METTL6: variants seen among roughly 807,000 people sequenced by gnomAD.
METTL6 encodes methyltransferase 6, tRNA N3-cytidine.
METTL6 carries 22 observed loss-of-function variants against 26.4 expected under a neutral mutation model. The ratio of observed to expected loss-of-function variants is 0.83; its 90% CI spans 0.59 to 1.19. The LOEUF is 1.19. Ranked by LOEUF, METTL6 falls within the 50% of genes most tolerant of loss-of-function variation. METTL6 has a pLI of 0.00. For synonymous variants in METTL6, 109 were observed against 116.2 expected (o/e 0.94, Z 0.40); for missense variants, 304 against 324.8 (o/e 0.94, Z 0.49).
In METTL6 at chr3:15,415,607, G is replaced by T. The variant is rs770487524; in HGVS notation, c.531+165C>A. The T allele has an allele frequency of 5.0e-6, 8 of 1,608,618 alleles. No individual in the cohort carries two copies. In the South Asian group the frequency reaches 7.7e-5, roughly 16 times the overall value. On this transcript the variant is annotated intron_variant, in intron 4 of 5. Coordinates refer to ENST00000383790, the MANE Select transcript of METTL6 (RefSeq NM_152396.4). ...CACTGCACAAATCAGAATTTAGGGTGGATGTTTTATGCCAGAGGACCCCTT... is the reference window on the plus strand; with the variant it reads ...CACTGCACAAATCAGAATTTAGGGTTGATGTTTTATGCCAGAGGACCCCTT...
chr3:15,412,278 T>A (rs1262750671), intron 5 of METTL6, among the ~76,000 whole-genome samples: 1 of 151,956 alleles, frequency 6.6e-6, no homozygotes. Flanking sequence ...AAATAATACA[T>A]CACTACACAT....
chr3:15,422,211 A>G (rs971956398), intron 3 of METTL6, among the ~76,000 whole-genome samples: 2 of 152,192 alleles, frequency 1.3e-5, no homozygotes, highest in African/African-American at 4.8e-5. Context: ...CTGTAACCCC[A>G]GCTACTCAAG....
intron 6 of METTL6, among the ~76,000 whole-genome samples, chr3:15,394,666 T>G (rs1699439889): frequency 1.3e-5 from 2 of 152,270 alleles, no homozygotes. Context: ...CACACTGCTT[T>G]GAATGTGTCC....
intron 6 of METTL6, among the ~76,000 whole-genome samples, chr3:15,401,994 G>A (rs1381475732): frequency 1.3e-5 from 2 of 151,994 alleles, no homozygotes; most frequent in African/African-American, 2.4e-5. Context: ...CTATGAACTC[G>A]CCCCGAATTC....
At chr3:15,396,775 T>C (rs1699501050) in intron 6 of METTL6, among the ~76,000 whole-genome samples, 1 of 152,202 alleles carries the variant, frequency 6.6e-6, no homozygotes, top group Admixed American at 6.5e-5. Context: ...TGCCTGGGTA[T>C]CAGCAGCAGA....
At chr3:15,419,956 G>A (rs1231130168) in intron 3 of METTL6, among the ~76,000 whole-genome samples, 2 of 151,030 alleles carry the variant, frequency 1.3e-5, no homozygotes, top group East Asian at 1.9e-4. Context: ...CCGCCTCCCA[G>A]GTTCATGCCG....
In METTL6 at chr3:15,427,498, G is replaced by A. The variant is rs144383348; in HGVS notation, c.-221C>T. 2.0e-6 allele frequency: 1 copy of A among 493,806 alleles called. No individual in the cohort carries two copies. The highest frequency in any genetic ancestry group is 2.1e-5 in the South Asian group (1 of 47,456). 30.6% of individuals were successfully genotyped at this position (493,806 alleles called of 1,614,324 possible). On this transcript the variant is annotated 5_prime_UTR_variant, in exon 1 of 6. Transcript: ENST00000383790. ...TGAGGACCACGAATTCGGATTATCC[G>A]GGAGTTCTTTTGCCATGGCACCGCC... is the stretch of plus-strand genomic sequence containing the variant.
intron 6 of METTL6, chr3:15,399,544 T>TTGTGTGTGTGTGTGTG (rs34014434): frequency 1.7e-3 from 198 of 118,558 alleles, no homozygotes; most frequent in African/African-American, 5.7e-3. Flanking sequence ...CCAGGAGAAA[T>TTGTGTGTGTGTGTGTG]TGTGTGTGTG....
intron 3 of METTL6, among the ~76,000 whole-genome samples, chr3:15,421,119 A>G (rs989138224): frequency 1.4e-4 from 22 of 152,192 alleles, no homozygotes; most frequent in Non-Finnish European, 8.8e-5. Flanking sequence ...CATATCTAGA[A>G]GATGGTTTTA....
intron 5 of METTL6, 107 bp downstream of exon 5, chr3:15,413,914 C>T (rs1489115651): frequency 2.1e-5 from 33 of 1,572,196 alleles, no homozygotes; most frequent in Non-Finnish European, 2.7e-5. Context: ...TTCAGGGTCT[C>T]GTGCACATGT....
intron 6 of METTL6, among the ~76,000 whole-genome samples, chr3:15,387,798 G>A (rs1031534207): frequency 1.1e-4 from 17 of 150,238 alleles, no homozygotes; most frequent in African/African-American, 1.2e-4. Context: ...CTTGTAAATC[G>A]TTCTCTTTGA....
At chr3:15,406,618 ATATAT>A (rs1699802182), downstream of METTL6, among the ~76,000 whole-genome samples, 1 of 100,916 alleles carries the variant, frequency 9.9e-6, no homozygotes, top group African/African-American at 4.5e-5. Context: ...ATATATATAT[ATATAT>A]ATATATAGAG....
chr3:15,383,170 A>C (rs1699115300), exon 7 of METTL6: 1 of 152,192 alleles, frequency 6.6e-6, no homozygotes, highest in Non-Finnish European at 1.5e-5. Flanking sequence ...GTCCTTAGCA[A>C]TCAACAGATG....
At position 15,427,512 on chromosome 3, in the gene METTL6, C is replaced by T. The variant is rs913143347; in HGVS notation, c.-235G>A. The T allele has an allele frequency of 5.8e-6, 3 of 520,568 alleles. No individual in the cohort carries two copies. The African/African-American group carries it at 5.9e-5, about 10-fold the overall frequency. The allele number at this position is 520,568 out of a possible 1,614,324, so 32.2% of individuals were successfully genotyped here. ...TCGGATTATCCGGGAGTTCTTTTGC[C>T]ATGGCACCGCCCCCGCCACTTCCGC... is the stretch of plus-strand genomic sequence containing the variant. On this transcript the variant is annotated 5_prime_UTR_variant, in exon 1 of 6. An upstream start codon of the reference 5' UTR is lost. Coordinates refer to ENST00000383790, the MANE Select transcript of METTL6 (RefSeq NM_152396.4).
At chr3:15,425,592 T>C (rs561095602) in intron 2 of METTL6, among the ~76,000 whole-genome samples, 1 of 152,372 alleles carries the variant, frequency 6.6e-6, no homozygotes, top group South Asian at 2.1e-4. Context: ...TGTTTAAAAT[T>C]TTAAAATTCA....
intron 6 of METTL6, among the ~76,000 whole-genome samples, chr3:15,384,798 A>G (rs1432027798): frequency 2.0e-5 from 3 of 152,226 alleles, no homozygotes; most frequent in Non-Finnish European, 2.9e-5. Flanking sequence ...TCACTGTTAT[A>G]TAAAACATTC....
intron 3 of METTL6, among the ~76,000 whole-genome samples, chr3:15,424,045 A>T (rs1408940242): frequency 6.6e-6 from 1 of 152,104 alleles, no homozygotes; most frequent in African/African-American, 2.4e-5. Flanking sequence ...CATCTCTACA[A>T]ACAATTAAAA....
At chr3:15,417,002 A>G (rs1190160687) in intron 3 of METTL6, among the ~76,000 whole-genome samples, 1 of 152,202 alleles carries the variant, frequency 6.6e-6, no homozygotes, top group Non-Finnish European at 1.5e-5. Context: ...TAGCCAAGTC[A>G]ATTTTTAAAA....
At position 15,411,452 on chromosome 3, in the gene METTL6, T is replaced by A; in HGVS notation, c.674-15A>T. ...AGCCAGGAAGTCTGTAAGACAAGCA[T>A]CAACAATGCTCAACAGTCTTCATAA... On this transcript the variant is annotated splice_polypyrimidine_tract_variant and intron_variant, in intron 5 of 5. Transcript: ENST00000383790. The A allele has an allele frequency of 6.2e-7, 1 of 1,610,368 alleles. No individual in the cohort carries two copies. The highest frequency in any genetic ancestry group is 8.5e-7 in the Non-Finnish European group (1 of 1,178,254).
Sources: gnomAD v4.1 joint callset for allele counts (sites outside exome capture counted in the v4.1 genomes callset) on GRCh38, gnomAD v4.1.1 for gene constraint, MANE v1.5 for transcripts, NCBI Gene and HGNC (gene_info 2026-07-23, HGNC 2026-07-21) for gene names.